MBD3: variants seen among roughly 807,000 people sequenced by gnomAD.
MBD3 encodes methyl-CpG-binding domain protein 3.
MBD3 carries 13 observed loss-of-function variants against 31.2 expected under a neutral mutation model. That is an observed-to-expected ratio of 0.42 (90% confidence interval 0.27 to 0.66). The LOEUF (loss-of-function observed/expected upper bound fraction) is 0.66, where lower values mean the gene tolerates loss of function less well. Ranked by LOEUF, MBD3 falls within the 30% of genes least tolerant of loss-of-function variation. MBD3 has a pLI of 0.26. For missense variants in MBD3, 440 were observed against 426.5 expected, an observed-to-expected ratio of 1.03 and a Z score of -0.28; for synonymous variants, 223 against 187.4, an observed-to-expected ratio of 1.19 and a Z score of -1.55.
intron 1 of MBD3, among the ~76,000 whole-genome samples, chr19:1,588,450 C>T (rs548825470): frequency 1.6e-4 from 24 of 152,196 alleles, no homozygotes; most frequent in African/African-American, 5.1e-4. Context: ...TCTTTGCCTC[C>T]GGTCACCCCA....
chr19:1,591,222 C>T (rs2060702077), intron 1 of MBD3, among the ~76,000 whole-genome samples: 1 of 152,202 alleles, frequency 6.6e-6, no homozygotes, highest in Non-Finnish European at 1.5e-5. Context: ...GATCTCAGGA[C>T]GTGTACAGGG....
intron 5 of MBD3, among the ~76,000 whole-genome samples, chr19:1,580,381 G>A (rs917812682): frequency 6.6e-6 from 1 of 152,178 alleles, no homozygotes; most frequent in Non-Finnish European, 1.5e-5. Flanking sequence ...CTTTAACCCC[G>A]GCTGCTGCCA....
At position 1,584,654 on chromosome 19, in the gene MBD3, C is replaced by T; in HGVS notation, c.294G>A (p.Ala98=). 6.2e-7 allele frequency: 1 copy of T among 1,613,146 alleles called. No homozygotes were observed. Among genetic ancestry groups the T allele is most frequent in the Non-Finnish European group, 8.5e-7 (1 of 1,179,812 alleles). ...TGGACGCCGTCTGGCGCACGGGCAG[C>T]GCCGTGTTCAGGTCGGGCTTGCCCT... is the stretch of plus-strand genomic sequence containing the variant. The part of the protein sequence containing the change: ...QVKGKPDLNT[A]LPVRQTASIF... Residue 98 remains alanine, a synonymous_variant, in exon 3 of 7, where the codon GCG becomes GCA. Coordinates refer to ENST00000434436, the MANE Select transcript of MBD3 (RefSeq NM_001281453.2).
chr19:1,586,658 G>A (rs565078783), intron 1 of MBD3, among the ~76,000 whole-genome samples: 1 of 133,506 alleles, frequency 7.5e-6, no homozygotes, highest in East Asian at 2.2e-4. Flanking sequence ...ACAGGCACAA[G>A]CCACCACGCC....
At chr19:1,581,336 G>A in intron 4 of MBD3, 67 bp from the exon 5 acceptor site, 1 of 1,529,932 alleles carries the variant, frequency 6.5e-7, no homozygotes, top group Non-Finnish European at 8.8e-7. Flanking sequence ...GCCCAGACAG[G>A]CCACGGAAAT....
chr19:1,580,363 C>T (rs923602240), intron 5 of MBD3, among the ~76,000 whole-genome samples: 9 of 152,154 alleles, frequency 5.9e-5, no homozygotes, highest in African/African-American at 1.9e-4. Flanking sequence ...CTTCTTGTGC[C>T]CAGGGGCCTT....
At chr19:1,589,149 T>C (rs910308545) in intron 1 of MBD3, among the ~76,000 whole-genome samples, 3 of 151,642 alleles carry the variant, frequency 2.0e-5, no homozygotes, top group Admixed American at 2.0e-4. Context: ...CTGACCAACA[T>C]GGTGAAACCC....
intron 4 of MBD3, 195 bp from the exon 5 acceptor site, chr19:1,581,464 C>T: frequency 1.5e-6 from 1 of 647,208 alleles, no homozygotes. Context: ...CAAGTTAGGC[C>T]AGGCGTGGCG....
In MBD3 at chr19:1,575,987, GAGAGACAGCA is replaced by G. The variant is rs1299522765; in HGVS notation, c.*2167_*2176del. 1 of 152,504 alleles carries G rather than the reference GAGAGACAGCA, an allele frequency of 6.6e-6. No individual in the cohort carries two copies. Among genetic ancestry groups the G allele is most frequent in the Non-Finnish European group, 1.5e-5 (1 of 68,278 alleles). 9.4% of individuals were successfully genotyped at this position (152,504 alleles called of 1,614,324 possible). On this transcript the variant is annotated 3_prime_UTR_variant, in exon 7 of 7. Transcript: ENST00000434436. ...AGGAAGCTGGGCTGCGACAGAGAGGGAGAGACAGCAAGAGACAGAGACAGAGACCGAGGGA... is the reference window on the plus strand; with the variant it reads ...AGGAAGCTGGGCTGCGACAGAGAGGGAGAGACAGAGACAGAGACCGAGGGA...
rs1917254158 is a variant in MBD3 at position 1,578,160 on chromosome 19, T to C, written c.*6-2A>G. ...CAGCACGGGCTCTCGGCAGGGCCTC[T>C]GGAAAGGACAGGGAGGGCTGGCTTT... On this transcript the variant is annotated splice_acceptor_variant, in intron 6 of 6. Coordinates refer to ENST00000434436, the MANE Select transcript of MBD3 (RefSeq NM_001281453.2). LOFTEE classifies it low-confidence loss of function (3UTR_SPLICE). The surrounding 1 kb of genome is among the most constrained non-coding windows in gnomAD (Gnocchi z 6.1). 1.1e-5 allele frequency: 11 copies of C among 1,010,110 alleles called. No homozygotes were observed. The highest frequency in any genetic ancestry group is 4.8e-5 in the South Asian group (3 of 62,844). The allele number at this position is 1,010,110 out of a possible 1,614,324, so 62.6% of individuals were successfully genotyped here.
chr19:1,578,122 C>T lies in MBD3; in HGVS notation c.*42G>A, dbSNP rs761777995. 13 of 704,106 alleles carry T rather than the reference C, an allele frequency of 1.8e-5. No individual in the cohort carries two copies. Among genetic ancestry groups the T allele is most frequent in the Non-Finnish European group, 2.8e-5 (12 of 430,850 alleles). The allele number at this position is 704,106 out of a possible 1,614,324, so 43.6% of individuals were successfully genotyped here. On this transcript the variant is annotated 3_prime_UTR_variant, in exon 7 of 7. Coordinates refer to ENST00000434436, the MANE Select transcript of MBD3 (RefSeq NM_001281453.2). The surrounding 1 kb of genome is among the most constrained non-coding windows in gnomAD (Gnocchi z 6.1). ...TGGGGCCGAGGACCGCGTCTGCAGG[C>T]GGCTCCAGCAGGCAGCACGGGCTCT... is the stretch of plus-strand genomic sequence containing the variant.
chr19:1,578,384 C>T lies in MBD3; in HGVS notation c.832G>A (p.Glu278Lys). 2 of 1,604,290 alleles carry T rather than the reference C, an allele frequency of 1.2e-6. No homozygotes were observed. Among genetic ancestry groups the T allele is most frequent in the Non-Finnish European group, 1.7e-6 (2 of 1,179,734 alleles). ...GGGTCCGGGTCGGGCTCCTCCTCCTCCTCCTCCTCGTCTTCCTCGTCGTCG... is the reference window on the plus strand; with the variant it reads ...GGGTCCGGGTCGGGCTCCTCCTCCTTCTCCTCCTCGTCTTCCTCGTCGTCG... The part of the protein sequence containing the change: ...EDDDEEDEEE[E>K]EEEPDPDPEM... Residue 278 changes from glutamate to lysine, a missense_variant, in exon 6 of 7, where the codon GAG (glutamate) becomes AAG (lysine). Physicochemically the swap from Glu to Lys is moderately conservative, Grantham distance 56. Transcript: ENST00000434436. This position sits in a 1 kb window ranked among gnomAD's most constrained non-coding sequence, Gnocchi z 6.1.
chr19:1,592,432 GCC>G, intron 1 of MBD3, 88 bp downstream of exon 1: 1 of 406,176 alleles, frequency 2.5e-6, no homozygotes, highest in Non-Finnish European at 3.7e-6. Context: ...CGGGGCCCAG[GCC>G]GCGGCCCGGG....
rs886512628 is a variant in MBD3 at position 1,578,451 on chromosome 19, G to A, written c.765C>T (p.Ala255=). ...ADMLAHVEEL[A]RDGEAPLDKA... ...TGTCCAGCGGCGCCTCCCCGTCACGGGCCAGCTCCTCCACGTGCGCCAGCA... is the reference window on the plus strand; with the variant it reads ...TGTCCAGCGGCGCCTCCCCGTCACGAGCCAGCTCCTCCACGTGCGCCAGCA... Residue 255 remains alanine, a synonymous_variant, in exon 6 of 7, where the codon GCC becomes GCT. Coordinates refer to ENST00000434436, the MANE Select transcript of MBD3 (RefSeq NM_001281453.2). This position sits in a 1 kb window ranked among gnomAD's most constrained non-coding sequence, Gnocchi z 6.1. 1.2e-6 allele frequency: 2 copies of A among 1,608,048 alleles called. No homozygotes were observed. Among genetic ancestry groups the A allele is most frequent in the Admixed American group, 1.7e-5 (1 of 59,984 alleles).
intron 1 of MBD3, 117 bp downstream of exon 1, chr19:1,592,405 C>G: frequency 3.9e-6 from 1 of 258,680 alleles, no homozygotes; most frequent in Non-Finnish European, 6.8e-6. Flanking sequence ...CGCACGCACG[C>G]ACGCACGACG....
At position 1,575,330 on chromosome 19, in the gene MBD3, G is replaced by A; in HGVS notation, c.*2834C>T. ...GGAGGCTGAGGCTTGAACCCAGAAG[G>A]TGGAGGTTGCAGTGAGCCCAGATCA... On this transcript the variant is annotated 3_prime_UTR_variant, in exon 7 of 7. Coordinates refer to ENST00000434436, the MANE Select transcript of MBD3 (RefSeq NM_001281453.2). 1 of 438,758 alleles carries A rather than the reference G, an allele frequency of 2.3e-6. No individual in the cohort carries two copies. Among genetic ancestry groups the A allele is most frequent in the Non-Finnish European group, 4.7e-6 (1 of 213,510 alleles). 27.2% of individuals were successfully genotyped at this position (438,758 alleles called of 1,614,324 possible). A position where few individuals can be genotyped will look rare whatever the true frequency, so the allele number is the denominator to read the frequency against.
Position 1,585,660 on chromosome 19 carries a change from A to C in MBD3, c.111-446T>G, listed in dbSNP as rs987072575. 4 of 212,438 alleles carry C rather than the reference A, an allele frequency of 1.9e-5. No individual in the cohort carries two copies. The highest frequency in any genetic ancestry group is 3.8e-5 in the Non-Finnish European group (4 of 104,068). The allele number at this position is 212,438 out of a possible 1,614,324, so 13.2% of individuals were successfully genotyped here. ...CAGGGCTTTGGGCCCCGGCTCTGGG[A>C]GGATGGCTCACATGTCCAGAACATT... On this transcript the variant is annotated intron_variant, in intron 1 of 6. Coordinates refer to ENST00000434436, the MANE Select transcript of MBD3 (RefSeq NM_001281453.2). This position sits in a 1 kb window ranked among gnomAD's most constrained non-coding sequence, Gnocchi z 4.1.
chr19:1,589,377 G>A (rs910636627), intron 1 of MBD3, among the ~76,000 whole-genome samples: 2 of 146,854 alleles, frequency 1.4e-5, no homozygotes, highest in African/African-American at 2.5e-5. Context: ...AAGAAGGCAG[G>A]CGCAGTGGCT....
At chr19:1,588,648 G>A (rs948287726) in intron 1 of MBD3, among the ~76,000 whole-genome samples, 2 of 151,956 alleles carry the variant, frequency 1.3e-5, no homozygotes, top group Non-Finnish European at 2.9e-5. Flanking sequence ...GGGCACAGTG[G>A]CACGTGCCTA....
Sources: allele counts gnomAD v4.1 joint callset (sites outside exome capture counted in the v4.1 genomes callset), GRCh38; gene constraint gnomAD v4.1.1; non-coding constraint Gnocchi (gnomAD v3.1); transcripts MANE v1.5; gene names NCBI Gene and HGNC (gene_info 2026-07-23, HGNC 2026-07-21).